Variants in DTNB observed in about 807,000 individuals in gnomAD.
DTNB encodes DTN-B.
Under a neutral mutation model 90.7 loss-of-function variants are expected in DTNB, and 63 were observed. That is an observed-to-expected ratio of 0.69 (90% CI 0.57 to 0.86). The LOEUF (loss-of-function observed/expected upper bound fraction) is 0.86, where lower values mean the gene tolerates loss of function less well. Ranked by LOEUF, DTNB falls within the 40% of genes least tolerant of loss-of-function variation. DTNB has a pLI of 0.00. For missense variants in DTNB, 744 were observed against 807.1 expected, an observed-to-expected ratio of 0.92 and a Z score of 0.95; for synonymous variants, 277 against 286.7, an observed-to-expected ratio of 0.97 and a Z score of 0.34.
intron 8 of DTNB, among the ~76,000 whole-genome samples, chr2:25,571,391 C>T (rs140988969): frequency 1.2e-3 from 188 of 152,296 alleles, no homozygotes; most frequent in Non-Finnish European, 2.0e-3. Flanking sequence ...CCTCATTTCA[C>T]TCAGAGTAAA....
intron 1 of DTNB, among the ~76,000 whole-genome samples, chr2:25,662,616 G>A (rs2083413946): frequency 6.7e-6 from 1 of 149,626 alleles, no homozygotes; most frequent in Non-Finnish European, 1.5e-5. Context: ...TCTCACCCTG[G>A]CCCTGGCCCT....
intron 16 of DTNB, among the ~76,000 whole-genome samples, chr2:25,393,697 A>G (rs933454369): frequency 1.3e-5 from 2 of 152,222 alleles, no homozygotes; most frequent in African/African-American, 4.8e-5. Context: ...AAGGATATGA[A>G]AGACCTCTAT....
chr2:25,432,314 T>C (rs1305202332), intron 14 of DTNB, among the ~76,000 whole-genome samples: 1 of 151,484 alleles, frequency 6.6e-6, no homozygotes, highest in Non-Finnish European at 1.5e-5. Flanking sequence ...GACTTCCCCA[T>C]TCCCTCCAAA....
At chr2:25,623,726 G>C (rs918970734) in intron 4 of DTNB, among the ~76,000 whole-genome samples, 7 of 152,198 alleles carry the variant, frequency 4.6e-5, no homozygotes, top group African/African-American at 1.4e-4. Flanking sequence ...AAATAATTTT[G>C]CTATATAATG....
chr2:25,420,120 G>T (rs2049037849), intron 15 of DTNB, among the ~76,000 whole-genome samples: 1 of 152,032 alleles, frequency 6.6e-6, no homozygotes, highest in Admixed American at 6.6e-5. Flanking sequence ...TCTGATTCTG[G>T]TGCATACAAG....
chr2:25,464,286 G>T (rs1306585740), intron 10 of DTNB, among the ~76,000 whole-genome samples: 1 of 152,114 alleles, frequency 6.6e-6, no homozygotes, highest in African/African-American at 2.4e-5. Context: ...TAGGGCTGGG[G>T]CAGGGAATAC....
At chr2:25,608,603 A>T (rs2067676250) in intron 4 of DTNB, among the ~76,000 whole-genome samples, 1 of 152,256 alleles carries the variant, frequency 6.6e-6, no homozygotes, top group Non-Finnish European at 1.5e-5. Context: ...TTATGTAAGA[A>T]AAGCTAGTGG....
At chr2:25,654,489 C>T (rs1296538563) in intron 1 of DTNB, among the ~76,000 whole-genome samples, 1 of 152,126 alleles carries the variant, frequency 6.6e-6, no homozygotes, top group Non-Finnish European at 1.5e-5. Context: ...GCTGAGAAAC[C>T]CTGAGACAGA....
chr2:25,535,734 G>C (rs375556878), intron 8 of DTNB, among the ~76,000 whole-genome samples: 3 of 137,844 alleles, frequency 2.2e-5, no homozygotes, highest in African/African-American at 8.4e-5. Flanking sequence ...GGTGGCTGCC[G>C]GGCAGAGGCG....
At chr2:25,668,140 G>C (rs914685086) in intron 1 of DTNB, among the ~76,000 whole-genome samples, 1 of 152,162 alleles carries the variant, frequency 6.6e-6, no homozygotes, top group African/African-American at 2.4e-5. Flanking sequence ...TCGGGAGGCT[G>C]AGGCAGGAGA....
intron 1 of DTNB, among the ~76,000 whole-genome samples, chr2:25,658,270 AAG>A (rs2082466945): frequency 6.6e-6 from 1 of 151,916 alleles, no homozygotes; most frequent in Non-Finnish European, 1.5e-5. Flanking sequence ...AAAAAAAAAA[AAG>A]AAAAAAAAAT....
chr2:25,416,398 G>A (rs1004276205), intron 16 of DTNB, among the ~76,000 whole-genome samples: 2 of 152,208 alleles, frequency 1.3e-5, no homozygotes, highest in African/African-American at 2.4e-5. Context: ...TTGGCCGGGC[G>A]TGATGGCTCA....
chr2:25,563,787 C>A (rs994785920), intron 8 of DTNB, among the ~76,000 whole-genome samples: 1 of 152,216 alleles, frequency 6.6e-6, no homozygotes, highest in African/African-American at 2.4e-5. Flanking sequence ...TTTCTGGAGT[C>A]TCAATTCTAT....
Position 25,379,874 on chromosome 2 carries a change from G to A in DTNB, c.1880-551C>T, listed in dbSNP as rs571022976. The A allele has an allele frequency of 2.6e-3, 402 of 152,906 alleles. 2 individuals are homozygous for A. The highest frequency in any genetic ancestry group is 7.0e-3 in the South Asian group (34 of 4,842). The allele number at this position is 152,906 out of a possible 1,614,324, so 9.5% of individuals were successfully genotyped here. On this transcript the variant is annotated intron_variant, in intron 19 of 20. Transcript: ENST00000406818. ...ATGGCAGGGTATGGGAGGGGAGACT[G>A]TGAAGGACACAGGAGCATAACATGA...
rs550063655 is a variant in DTNB, at chr2:25,664,453, C to T, written c.-2+8933G>A. ...TAAACCCAGCAGAGGTGAACTAAAA[C>T]ATGTGCTAAAACAATATAAGCAGGT... On this transcript the variant is annotated intron_variant, in intron 1 of 20. Transcript: ENST00000406818. Among the ~76,000 whole-genome samples, 4 of 152,304 alleles carry T rather than the reference C, an allele frequency of 2.6e-5. No homozygotes were observed. The East Asian group carries it at 7.7e-4, about 29-fold the overall frequency.
chr2:25,605,129 C>T (rs973274964), intron 5 of DTNB, among the ~76,000 whole-genome samples: 1 of 152,188 alleles, frequency 6.6e-6, no homozygotes, highest in African/African-American at 2.4e-5. Flanking sequence ...TTATGTTGAA[C>T]ATCTCAAGCC....
intron 8 of DTNB, among the ~76,000 whole-genome samples, chr2:25,547,524 C>T (rs1572402109): frequency 6.6e-6 from 1 of 151,976 alleles, no homozygotes; most frequent in Admixed American, 6.6e-5. Flanking sequence ...GGTTTCACCA[C>T]GTTGGGTCAA....
chr2:25,411,227 C>T (rs575133078), intron 16 of DTNB, among the ~76,000 whole-genome samples: 3 of 152,002 alleles, frequency 2.0e-5, no homozygotes, highest in South Asian at 2.1e-4. Flanking sequence ...GGCGTGGTGG[C>T]GTGCGCCTGT....
intron 6 of DTNB, among the ~76,000 whole-genome samples, chr2:25,593,763 C>G (rs150989765): frequency 1.0e-3 from 153 of 152,278 alleles, no homozygotes; most frequent in African/African-American, 3.4e-3. Context: ...TATTCCAACA[C>G]CAGATTCTCA....
Sources: allele counts gnomAD v4.1 joint callset (sites outside exome capture counted in the v4.1 genomes callset), GRCh38; gene constraint gnomAD v4.1.1; transcripts MANE v1.5; gene names NCBI Gene and HGNC (gene_info 2026-07-23, HGNC 2026-07-21).